LRFN2: variants seen among roughly 807,000 people sequenced by gnomAD.
LRFN2 encodes leucine rich repeat and fibronectin type III domain containing 2.
Under a neutral mutation model 37.3 loss-of-function variants are expected in LRFN2, and 18 were observed. That is an observed-to-expected ratio of 0.48 (90% CI 0.33 to 0.72). LRFN2 has a LOEUF of 0.72. LRFN2 is among the 30% of genes least tolerant of loss of function. LRFN2 has a pLI of 0.02. For synonymous variants in LRFN2, 556 were observed against 466.6 expected, an observed-to-expected ratio of 1.19 and a Z score of -2.47; for missense variants, 1,006 against 1,060.7, an observed-to-expected ratio of 0.95 and a Z score of 0.72.
intron 1 of LRFN2, among the ~76,000 whole-genome samples, chr6:40,551,470 T>G (rs1420786883): frequency 2.0e-5 from 3 of 152,226 alleles, no homozygotes; most frequent in Non-Finnish European, 4.4e-5. Context: ...ACTTTTCAAA[T>G]ACATGAACCA....
intron 1 of LRFN2, among the ~76,000 whole-genome samples, chr6:40,455,756 T>A (rs977775115): frequency 6.6e-6 from 1 of 152,066 alleles, no homozygotes; most frequent in Non-Finnish European, 1.5e-5. Context: ...ATATGATGGG[T>A]GTGATGGGGT....
chr6:40,429,185 T>G (rs189261885), intron 2 of LRFN2, among the ~76,000 whole-genome samples: 10 of 152,296 alleles, frequency 6.6e-5, no homozygotes, highest in Admixed American at 3.9e-4. Flanking sequence ...AAAGTTAGTG[T>G]CTCCAGGTTC....
Position 40,432,035 on chromosome 6 carries a change from A to G in LRFN2, c.1079T>C (p.Ile360Thr). 2.5e-6 allele frequency: 4 copies of G among 1,614,042 alleles called. No homozygotes were observed. Among genetic ancestry groups the G allele is most frequent in the Non-Finnish European group, 2.5e-6 (3 of 1,180,024 alleles). ...GGCCTCTCCGGCAGCATTGGCAGCA[A>G]TGCAGGTGAAGGCACCACTGTCCTG... is the stretch of plus-strand genomic sequence containing the variant. Reference protein sequence around the residue: ...TSQDSGAFTCIAANAAGEATA... With the variant: ...TSQDSGAFTCTAANAAGEATA... Residue 360 changes from isoleucine (I) to threonine (T), a missense_variant, in exon 2 of 3, where the codon ATT becomes ACT. Ile to Thr is a moderately conservative substitution (Grantham distance 89). Around this residue, in one of 4 missense-constraint regions of LRFN2, gnomAD observed 303 missense variants for 299.8 expected, o/e 1.01. Coordinates refer to ENST00000338305, the MANE Select transcript of LRFN2 (RefSeq NM_020737.3).
intron 1 of LRFN2, among the ~76,000 whole-genome samples, chr6:40,476,312 CTT>C (rs1764708402): frequency 6.6e-6 from 1 of 152,204 alleles, no homozygotes; most frequent in Non-Finnish European, 1.5e-5. Flanking sequence ...CTCCAAGAAA[CTT>C]TCTTTGATAA....
intron 1 of LRFN2, among the ~76,000 whole-genome samples, chr6:40,524,657 G>A (rs868834579): frequency 2.6e-5 from 4 of 152,290 alleles, no homozygotes; most frequent in African/African-American, 2.4e-5. Flanking sequence ...TATAACAAAA[G>A]ACCTTTCTTT....
At chr6:40,479,508 T>G (rs1764780403) in intron 1 of LRFN2, among the ~76,000 whole-genome samples, 1 of 152,226 alleles carries the variant, frequency 6.6e-6, no homozygotes. Context: ...AAGTTACCAC[T>G]AAGTAACTTT....
intron 1 of LRFN2, among the ~76,000 whole-genome samples, chr6:40,448,645 C>T (rs549570631): frequency 1.3e-5 from 2 of 152,186 alleles, no homozygotes; most frequent in African/African-American, 4.8e-5. Context: ...AGGACCGAAT[C>T]GCTAATGAAT....
rs539879711 is a variant in LRFN2, at chr6:40,576,200, T to A, written c.-19+10741A>T. ...TAAAATGTATAAAGTGCTGTATGCA[T>A]GGAAGGGATTAATATAATGCATCCT... On this transcript the variant is annotated intron_variant, in intron 1 of 2. Transcript: ENST00000338305. 3.3e-5 allele frequency among the ~76,000 whole-genome samples: 5 copies of A among 152,236 alleles called. No individual in the cohort carries two copies. The South Asian group carries it at 8.3e-4, about 25-fold the overall frequency.
At chr6:40,428,222 T>G (rs1411195074) in intron 2 of LRFN2, among the ~76,000 whole-genome samples, 2 of 152,256 alleles carry the variant, frequency 1.3e-5, no homozygotes, top group African/African-American at 4.8e-5. Context: ...CTGGGGAAGA[T>G]GGAGGCAAGT....
chr6:40,467,729 C>T (rs1764502630), intron 1 of LRFN2, among the ~76,000 whole-genome samples: 1 of 152,128 alleles, frequency 6.6e-6, no homozygotes, highest in South Asian at 2.1e-4. Flanking sequence ...TGAGTCTGGC[C>T]TCATTATTTC....
intron 2 of LRFN2, among the ~76,000 whole-genome samples, chr6:40,420,358 C>G (rs1763195686): frequency 6.6e-6 from 1 of 152,256 alleles, no homozygotes; most frequent in African/African-American, 2.4e-5. Flanking sequence ...CCATCACACA[C>G]ATTCATGCCA....
chr6:40,420,808 T>G (rs1430103358), intron 2 of LRFN2, among the ~76,000 whole-genome samples: 1 of 152,214 alleles, frequency 6.6e-6, no homozygotes, highest in Admixed American at 6.5e-5. Context: ...ATGCAGACCC[T>G]GAGACAAGGA....
rs1486427085 is a variant in LRFN2, at chr6:40,392,418, G to A, written c.1895C>T (p.Ala632Val). ...CCAGGGGGCCCGTCCCAGCCCCGCAGCCTCCCCACTGCCCAGGGAGCTGGA... is the reference window on the plus strand; with the variant it reads ...CCAGGGGGCCCGTCCCAGCCCCGCAACCTCCCCACTGCCCAGGGAGCTGGA... Reference protein sequence around the residue: ...SSSSSLGSGEAAGLGRAPWRI... With the variant: ...SSSSSLGSGEVAGLGRAPWRI... Residue 632 changes from alanine to valine, a missense_variant, in exon 3 of 3, where the codon GCT becomes GTT. Physicochemically the swap from Ala to Val is moderately conservative, Grantham distance 64. Around this residue, in one of 4 missense-constraint regions of LRFN2, gnomAD observed 398 missense variants for 327.6 expected, o/e 1.21. Transcript: ENST00000338305. The surrounding 1 kb of genome is among the most constrained non-coding windows in gnomAD (Gnocchi z 4.7). 4 of 1,568,446 alleles carry A rather than the reference G, an allele frequency of 2.6e-6. No homozygotes were observed. The highest frequency in any genetic ancestry group is 2.4e-5 in the East Asian group (1 of 42,036).
chr6:40,522,979 C>T (rs1766130651), intron 1 of LRFN2, among the ~76,000 whole-genome samples: 1 of 152,202 alleles, frequency 6.6e-6, no homozygotes, highest in Non-Finnish European at 1.5e-5. Context: ...GACAGACACA[C>T]AGGCACTAGG....
chr6:40,544,506 C>T (rs774082030), intron 1 of LRFN2, among the ~76,000 whole-genome samples: 2 of 152,120 alleles, frequency 1.3e-5, no homozygotes, highest in African/African-American at 4.8e-5. Flanking sequence ...GGTACTTGAG[C>T]GGCCACAGAC....
intron 1 of LRFN2, among the ~76,000 whole-genome samples, chr6:40,543,275 C>T (rs1766591421): frequency 6.6e-6 from 1 of 152,250 alleles, no homozygotes; most frequent in Non-Finnish European, 1.5e-5. Context: ...TCTGCTTACA[C>T]AAGCCACATA....
rs112490860 is a variant in LRFN2 at position 40,568,690 on chromosome 6, T to C, written c.-19+18251A>G. Among the ~76,000 whole-genome samples the C allele has an allele frequency of 5.4e-3, 606 of 112,016 alleles. 8 individuals carry two copies. Among genetic ancestry groups the C allele is most frequent in the African/African-American group, 0.024 (581 of 24,210 alleles). 73.5% of individuals were successfully genotyped at this position (112,016 alleles called of 152,430 possible). On this transcript the variant is annotated intron_variant, in intron 1 of 2. Transcript: ENST00000338305. ...TTACTAAACGTCTCCCCCATTTCCT[T>C]CCTTCCTTCCTTCCTTCCTTCCTTC...
At position 40,392,184 on chromosome 6, in the gene LRFN2, A is replaced by G. The variant is rs547865719; in HGVS notation, c.2129T>C (p.Leu710Pro). The G allele has an allele frequency of 1.3e-6, 2 of 1,592,504 alleles. No homozygotes were observed. The highest frequency in any genetic ancestry group is 1.7e-5 in the Admixed American group (1 of 58,106). The change falls in exon 3 of 3, where the codon CTC (leucine) becomes CCC (proline). Residue 710 changes from leucine to proline, a missense_variant. Coordinates refer to ENST00000338305, the MANE Select transcript of LRFN2 (RefSeq NM_020737.3). The surrounding 1 kb of genome is among the most constrained non-coding windows in gnomAD (Gnocchi z 4.7). ...GPPAARARSL[L>P]PLPLEGKAKR... ...GGCCTTGCCCTCCAACGGCAAGGGG[A>G]GCAGGCTCCTGGCCCGGGCCGCAGG...
chr6:40,477,986 C>T (rs1581736260), intron 1 of LRFN2, among the ~76,000 whole-genome samples: 1 of 152,212 alleles, frequency 6.6e-6, no homozygotes, highest in Non-Finnish European at 1.5e-5. Flanking sequence ...CTGTTTGTGG[C>T]TTCTCCTCCG....
Sources: allele counts gnomAD v4.1 joint callset (sites outside exome capture counted in the v4.1 genomes callset), GRCh38; gene constraint gnomAD v4.1.1; regional missense constraint gnomAD v4.1.1; non-coding constraint Gnocchi (gnomAD v3.1); transcripts MANE v1.5; gene names NCBI Gene and HGNC (gene_info 2026-07-23, HGNC 2026-07-21).